ADAM12: variants seen among roughly 807,000 people sequenced by gnomAD.
ADAM12 encodes the protein ADAM metallopeptidase domain 12.
In ADAM12, 70 loss-of-function variants were observed where a neutral mutation model predicts 106.4. That is an observed-to-expected ratio of 0.66 (90% CI 0.54 to 0.80). The LOEUF is 0.80. ADAM12 is among the 30% of genes least tolerant of loss of function. The pLI, the probability that ADAM12 is intolerant of heterozygous loss-of-function variation, is 0.00. For synonymous variants in ADAM12, 420 were observed against 433.5 expected, an observed-to-expected ratio of 0.97 and a Z score of 0.39; for missense variants, 1,010 against 1,171.9, an observed-to-expected ratio of 0.86 and a Z score of 2.02.
intron 16 of ADAM12, among the ~76,000 whole-genome samples, chr10:126,048,989 C>T (rs536896994): frequency 6.6e-6 from 1 of 152,338 alleles, no homozygotes; most frequent in East Asian, 1.9e-4. Flanking sequence ...AAAGTAATTT[C>T]CTGGCTAGAA....
chr10:126,229,577 T>C lies in ADAM12; in HGVS notation c.260+49338A>G, dbSNP rs147790419. 3.4e-4 allele frequency among the ~76,000 whole-genome samples: 52 copies of C among 151,792 alleles called. No individual in the cohort carries two copies. The East Asian group carries it at 9.0e-3, about 26-fold the overall frequency. On this transcript the variant is annotated intron_variant, in intron 3 of 22. Transcript: ENST00000448723. ...CATTGAATGTATCTATTTCCTTCCA[T>C]TCTTTCCCTATACATGTGCATTCTC...
Position 126,039,420 on chromosome 10 carries a change from C to A in ADAM12, c.2114G>T (p.Gly705Val). 4 of 1,614,068 alleles carry A rather than the reference C, an allele frequency of 2.5e-6. No homozygotes were observed. Among genetic ancestry groups the A allele is most frequent in the Non-Finnish European group, 3.4e-6 (4 of 1,179,954 alleles). Residue 705 changes from glycine to valine, a missense_variant, in exon 19 of 23, where the codon GGT becomes GTT. Transcript: ENST00000448723. ...SGPIRQADNQGLTIGILVTIL... is the reference protein window; with the variant it reads ...SGPIRQADNQVLTIGILVTIL... ...GGTCACCAGAATTCCTATGGTTAAA[C>A]CTTGGTTATCTGAAACAAAACACAT...
intron 3 of ADAM12, among the ~76,000 whole-genome samples, chr10:126,252,489 G>A (rs1284524225): frequency 6.6e-6 from 1 of 152,172 alleles, no homozygotes; most frequent in Non-Finnish European, 1.5e-5. Context: ...AAGGCCAAAG[G>A]TCTGAGGACC....
At position 126,049,388 on chromosome 10, in the gene ADAM12, A is replaced by C. The variant is rs751242821; in HGVS notation, c.1782T>G (p.Asn594Lys). The change falls in exon 16 of 23, where the codon AAT (asparagine) becomes AAG (lysine). Residue 594 changes from asparagine to lysine, a missense_variant. Physicochemically the swap from Asn to Lys is moderately conservative, Grantham distance 94 (BLOSUM62 0). Around this residue, in one of 3 missense-constraint regions of ADAM12, gnomAD observed 615 missense variants for 708.5 expected, o/e 0.87. Transcript: ENST00000448723. The surrounding 1 kb of genome is among the most constrained non-coding windows in gnomAD (Gnocchi z 4.4). Reference sequence around the variant, plus strand: ...GGATGTTTGTTTCTATGGAAACGGCATTGGTACCAATGACTGGCCGGCTGG... The same window carrying C: ...GGATGTTTGTTTCTATGGAAACGGCCTTGGTACCAATGACTGGCCGGCTGG... ...GGASRPVIGTNAVSIETNIPL... is the reference protein window; with the variant it reads ...GGASRPVIGTKAVSIETNIPL... The C allele has an allele frequency of 1.1e-5, 18 of 1,614,088 alleles. No homozygotes were observed. Among genetic ancestry groups the C allele is most frequent in the Non-Finnish European group, 1.4e-5 (17 of 1,180,048 alleles).
At chr10:126,103,229 T>C (rs1955701620) in intron 8 of ADAM12, among the ~76,000 whole-genome samples, 1 of 152,206 alleles carries the variant, frequency 6.6e-6, no homozygotes, top group South Asian at 2.1e-4. Flanking sequence ...TTAGTAGTAA[T>C]ATAACAGACA....
chr10:126,139,474 C>T (rs950879983), intron 4 of ADAM12, among the ~76,000 whole-genome samples: 15 of 152,064 alleles, frequency 9.9e-5, no homozygotes, highest in East Asian at 1.9e-4. Context: ...CAGTTTGTAG[C>T]GTATCTTTTT....
chr10:126,058,190 C>T (rs1365050921), intron 14 of ADAM12, among the ~76,000 whole-genome samples: 1 of 152,228 alleles, frequency 6.6e-6, no homozygotes, highest in African/African-American at 2.4e-5. Context: ...ATTTACCACA[C>T]TTGCTTTTGC....
At chr10:126,063,501 A>G (rs1490012848) in intron 14 of ADAM12, among the ~76,000 whole-genome samples, 2 of 152,094 alleles carry the variant, frequency 1.3e-5, no homozygotes, top group African/African-American at 2.4e-5. Context: ...CCTCACAACA[A>G]AAGTCTGACA....
At chr10:126,174,574 T>C (rs1375214126) in intron 3 of ADAM12, among the ~76,000 whole-genome samples, 1 of 152,126 alleles carries the variant, frequency 6.6e-6, no homozygotes, top group Non-Finnish European at 1.5e-5. Flanking sequence ...AGATGTACAA[T>C]TGCATGTTTT....
At chr10:126,120,881 AC>A (rs1956071800) in intron 5 of ADAM12, among the ~76,000 whole-genome samples, 1 of 140,516 alleles carries the variant, frequency 7.1e-6, no homozygotes, top group African/African-American at 2.7e-5. Flanking sequence ...ATAATAATAC[AC>A]AATATATAAT....
At chr10:126,355,389 A>G (rs1235450919) in intron 1 of ADAM12, among the ~76,000 whole-genome samples, 1 of 152,264 alleles carries the variant, frequency 6.6e-6, no homozygotes, top group East Asian at 1.9e-4. Context: ...ATAGTGGAAC[A>G]GGTGGCCCCA....
At chr10:126,382,422 A>C (rs1473765762) in intron 1 of ADAM12, among the ~76,000 whole-genome samples, 2 of 152,248 alleles carry the variant, frequency 1.3e-5, no homozygotes, top group Non-Finnish European at 2.9e-5. Context: ...GATTAAGTTT[A>C]AACAATACAA....
At chr10:126,170,419 T>C (rs1590551763) in intron 3 of ADAM12, among the ~76,000 whole-genome samples, 1 of 151,198 alleles carries the variant, frequency 6.6e-6, no homozygotes, top group African/African-American at 2.4e-5. Flanking sequence ...ATGGATGTGT[T>C]TTTCCTTTAA....
chr10:126,130,188 A>AT (rs60711105), intron 5 of ADAM12, among the ~76,000 whole-genome samples: 35 of 150,066 alleles, frequency 2.3e-4, no homozygotes, highest in Middle Eastern at 7.0e-3. Flanking sequence ...CTCTAGTTGC[A>AT]TTTTTTTTTT....
intron 2 of ADAM12, among the ~76,000 whole-genome samples, chr10:126,309,267 G>A (rs926398245): frequency 1.3e-5 from 2 of 152,182 alleles, no homozygotes; most frequent in Non-Finnish European, 2.9e-5. Context: ...TGTTGAGAAG[G>A]GGAGACAAGA....
intron 3 of ADAM12, among the ~76,000 whole-genome samples, chr10:126,245,277 G>A (rs956743547): frequency 3.3e-5 from 5 of 152,346 alleles, no homozygotes; most frequent in South Asian, 4.1e-4. Flanking sequence ...GGGACCTGAC[G>A]TGAACCTGCA....
chr10:126,241,530 C>T (rs1958523375), intron 3 of ADAM12, among the ~76,000 whole-genome samples: 2 of 152,214 alleles, frequency 1.3e-5, no homozygotes, highest in African/African-American at 4.8e-5. Context: ...GAGGTCTCTG[C>T]CTTCCAACAA....
intron 3 of ADAM12, among the ~76,000 whole-genome samples, chr10:126,174,100 C>G (rs1373951258): frequency 6.7e-6 from 1 of 148,920 alleles, no homozygotes; most frequent in Middle Eastern, 3.2e-3. Flanking sequence ...CTCCCGCCTC[C>G]CGGTTTCAAG....
chr10:126,145,793 C>T (rs1425068572), intron 4 of ADAM12, among the ~76,000 whole-genome samples: 1 of 152,220 alleles, frequency 6.6e-6, no homozygotes, highest in Non-Finnish European at 1.5e-5. Flanking sequence ...TCAATGTTAG[C>T]TACCACATTG....
Sources: allele counts gnomAD v4.1 joint callset (sites outside exome capture counted in the v4.1 genomes callset), GRCh38; gene constraint gnomAD v4.1.1; regional missense constraint gnomAD v4.1.1; non-coding constraint Gnocchi (gnomAD v3.1); transcripts MANE v1.5; gene names NCBI Gene and HGNC (gene_info 2026-07-23, HGNC 2026-07-21).